Variants in TACR3 observed in about 807,000 individuals in gnomAD.
TACR3 encodes tachykinin receptor 3.
In TACR3, 34 loss-of-function variants were observed where a neutral mutation model predicts 35.0. That is an observed-to-expected ratio of 0.97 (90% CI 0.74 to 1.30). The LOEUF is 1.30. TACR3 is among the 50% of genes most tolerant of loss of function. The pLI is 0.00. For missense variants in TACR3, 558 were observed against 591.7 expected (o/e 0.94, Z 0.59); for synonymous variants, 233 against 221.1 (o/e 1.05, Z -0.48).
chr4:103,690,703 C>T (rs1387108875), intron 1 of TACR3, among the ~76,000 whole-genome samples: 1 of 152,048 alleles, frequency 6.6e-6, no homozygotes, highest in Non-Finnish European at 1.5e-5. Context: ...ATGGAATATT[C>T]TCCAGGATAG....
intron 1 of TACR3, among the ~76,000 whole-genome samples, chr4:103,718,831 T>C (rs1723145712): frequency 6.6e-6 from 1 of 152,204 alleles, no homozygotes; most frequent in Non-Finnish European, 1.5e-5. Flanking sequence ...TCTAGCTAAG[T>C]TTGCCCTACT....
At chr4:103,684,462 C>T (rs1167422363) in intron 1 of TACR3, among the ~76,000 whole-genome samples, 1 of 151,990 alleles carries the variant, frequency 6.6e-6, no homozygotes, top group East Asian at 1.9e-4. Flanking sequence ...ACCACTAATA[C>T]TAGGTCAAAA....
At chr4:103,655,266 T>C (rs916508167) in intron 3 of TACR3, among the ~76,000 whole-genome samples, 4 of 152,184 alleles carry the variant, frequency 2.6e-5, no homozygotes, top group African/African-American at 9.6e-5. Flanking sequence ...GTTAAGTGAG[T>C]TTTTGTAGCT....
At chr4:103,692,869 A>G (rs1344123546) in intron 1 of TACR3, among the ~76,000 whole-genome samples, 1 of 152,156 alleles carries the variant, frequency 6.6e-6, no homozygotes, top group East Asian at 1.9e-4. Flanking sequence ...TGAGTAAATC[A>G]CCAATGGAAT....
At chr4:103,617,171 G>A (rs1237953634) in intron 3 of TACR3, among the ~76,000 whole-genome samples, 1 of 152,056 alleles carries the variant, frequency 6.6e-6, no homozygotes, top group African/African-American at 2.4e-5. Flanking sequence ...GAAACAAAAT[G>A]AGCAAATATA....
intron 1 of TACR3, among the ~76,000 whole-genome samples, chr4:103,710,052 A>T (rs558255564): frequency 6.6e-6 from 1 of 152,174 alleles, no homozygotes; most frequent in Non-Finnish European, 1.5e-5. Context: ...CCACACAATA[A>T]TAATGCAAGA....
chr4:103,622,937 T>C (rs987356724), intron 3 of TACR3, among the ~76,000 whole-genome samples: 11 of 152,092 alleles, frequency 7.2e-5, no homozygotes, highest in Admixed American at 2.0e-4. Context: ...ATAAAATGCA[T>C]GTTAAAGTTC....
At chr4:103,699,937 A>G (rs2110222507) in intron 1 of TACR3, among the ~76,000 whole-genome samples, 1 of 152,276 alleles carries the variant, frequency 6.6e-6, no homozygotes, top group East Asian at 1.9e-4. Flanking sequence ...GTTTTAAACT[A>G]GAGGTATTAA....
At chr4:103,601,336 TC>T (rs201805570) in intron 3 of TACR3, among the ~76,000 whole-genome samples, 5,149 of 152,252 alleles carry the variant, frequency 0.034, 327 homozygotes, top group African/African-American at 0.12. Context: ...CTTGACGCTA[TC>T]CAATTTGCCA....
intron 3 of TACR3, among the ~76,000 whole-genome samples, chr4:103,607,744 G>A (rs1724414935): frequency 6.6e-6 from 1 of 152,074 alleles, no homozygotes; most frequent in African/African-American, 2.4e-5. Context: ...GTGAGAAGTG[G>A]TCTAGATTAA....
intron 1 of TACR3, among the ~76,000 whole-genome samples, chr4:103,690,630 G>A (rs1464085914): frequency 3.3e-5 from 5 of 152,006 alleles, no homozygotes; most frequent in Admixed American, 3.3e-4. Flanking sequence ...TCACCTATTA[G>A]CCCTGTAATT....
At chr4:103,645,978 T>C (rs528740402) in intron 3 of TACR3, among the ~76,000 whole-genome samples, 5 of 152,152 alleles carry the variant, frequency 3.3e-5, no homozygotes, top group East Asian at 1.9e-4. Context: ...AGGCACAGCA[T>C]GCAAAACCTG....
chr4:103,719,107 C>G lies in TACR3; in HGVS notation c.548+21G>C, dbSNP rs757438818. 1.2e-5 allele frequency: 20 copies of G among 1,614,132 alleles called. No homozygotes were observed. In the East Asian group the frequency reaches 2.9e-4, roughly 23 times the overall value. On this transcript the variant is annotated intron_variant, in intron 1 of 4. Coordinates refer to ENST00000304883, the MANE Select transcript of TACR3 (RefSeq NM_001059.3). Reference sequence around the variant, plus strand: ...TTTCTTTCCCTTCTCCCTCTTTCCTCTCTGTCTGTCCTCTCCTCACCTGTC... The same window carrying G: ...TTTCTTTCCCTTCTCCCTCTTTCCTGTCTGTCTGTCCTCTCCTCACCTGTC...
intron 1 of TACR3, among the ~76,000 whole-genome samples, chr4:103,670,283 T>C (rs1163726348): frequency 6.6e-6 from 1 of 152,142 alleles, no homozygotes; most frequent in Non-Finnish European, 1.5e-5. Flanking sequence ...CAAGTTTTGT[T>C]CTTTTTGCTC....
chr4:103,698,334 TA>T (rs1285885521), intron 1 of TACR3, among the ~76,000 whole-genome samples: 2 of 152,098 alleles, frequency 1.3e-5, no homozygotes, highest in African/African-American at 4.8e-5. Context: ...ACAATATAAA[TA>T]CTCAATTTCA....
chr4:103,654,602 C>T (rs1293056119), intron 3 of TACR3, among the ~76,000 whole-genome samples: 13 of 148,888 alleles, frequency 8.7e-5, no homozygotes, highest in East Asian at 6.0e-4. Context: ...TGCTAAATGA[C>T]GAGTTAATGG....
At chr4:103,716,750 C>A (rs763063191) in intron 1 of TACR3, among the ~76,000 whole-genome samples, 1 of 151,974 alleles carries the variant, frequency 6.6e-6, no homozygotes, top group Non-Finnish European at 1.5e-5. Flanking sequence ...AGGAACAAAG[C>A]GAATTGAATA....
chr4:103,614,202 A>T (rs1264817245), intron 3 of TACR3, among the ~76,000 whole-genome samples: 2 of 152,210 alleles, frequency 1.3e-5, no homozygotes, highest in Non-Finnish European at 2.9e-5. Flanking sequence ...TTTCCAGTAC[A>T]ACTAAAACAA....
At chr4:103,633,951 G>A (rs970454323) in intron 3 of TACR3, among the ~76,000 whole-genome samples, 8 of 151,906 alleles carry the variant, frequency 5.3e-5, no homozygotes, top group Non-Finnish European at 1.2e-4. Flanking sequence ...AGAACCAATC[G>A]ACCTATCACC....
Sources: allele counts gnomAD v4.1 joint callset (sites outside exome capture counted in the v4.1 genomes callset), GRCh38; gene constraint gnomAD v4.1.1; transcripts MANE v1.5; gene names NCBI Gene and HGNC (gene_info 2026-07-23, HGNC 2026-07-21).